Variants in ZMYND8 observed in about 807,000 individuals in gnomAD.
ZMYND8 encodes zinc finger MYND-type containing 8, also known as MYND-type zinc finger-containing chromatin reader ZMYND8.
ZMYND8 carries 37 observed loss-of-function variants against 140.8 expected under a neutral mutation model. That is an observed-to-expected ratio of 0.26 (90% confidence interval 0.20 to 0.35). The LOEUF is 0.35. Ranked by LOEUF, ZMYND8 falls within the 10% of genes least tolerant of loss-of-function variation. The pLI, the probability that ZMYND8 is intolerant of heterozygous loss-of-function variation, is 1.00. For synonymous variants in ZMYND8, 592 were observed against 597.1 expected (o/e 0.99, Z 0.12); for missense variants, 1,068 against 1,570.0 (o/e 0.68, Z 5.40).
In ZMYND8 at chr20:47,238,807, C is replaced by G. The variant is rs760583082; in HGVS notation, c.2616G>C (p.Gln872His). The G allele has an allele frequency of 1.4e-5, 22 of 1,612,996 alleles. No individual in the cohort carries two copies. The highest frequency in any genetic ancestry group is 1.8e-5 in the Non-Finnish European group (21 of 1,179,980). Residue 872 changes from glutamine to histidine, a missense_variant, in exon 15 of 23, where the codon CAG (glutamine) becomes CAC (histidine). By Grantham distance (24) the Gln-to-His change is conservative. Coordinates refer to ENST00000471951, the MANE Select transcript of ZMYND8 (RefSeq NM_001281775.3). The part of the protein sequence containing the change: ...QQQQQQNQQQ[Q>H]PQSSQGTRYQ... ...ATCTCGTCCCCTGGGAAGACTGAGG[C>G]TGCTGCTGCTGGTTTTGCTGCTGCT...
intron 4 of ZMYND8, among the ~76,000 whole-genome samples, chr20:47,297,065 T>C (rs1394917456): frequency 2.0e-5 from 3 of 152,036 alleles, no homozygotes; most frequent in Non-Finnish European, 1.5e-5. Flanking sequence ...CTAAAGAAAA[T>C]TGGTGAAGGT....
At chr20:47,291,605 G>A (rs1269349193) in intron 6 of ZMYND8, among the ~76,000 whole-genome samples, 191 bp downstream of exon 6, 1 of 152,186 alleles carries the variant, frequency 6.6e-6, no homozygotes, top group African/African-American at 2.4e-5. Context: ...CTGCAATCTT[G>A]GAAGAATGTT....
At chr20:47,355,844 C>T (rs1298479083) in intron 1 of ZMYND8, among the ~76,000 whole-genome samples, 4 of 150,666 alleles carry the variant, frequency 2.7e-5, no homozygotes, top group Non-Finnish European at 1.5e-5. Flanking sequence ...CCCCCCACCC[C>T]CCAGTCCCCA....
At chr20:47,262,254 C>T (rs1411648524) in intron 12 of ZMYND8, 34 bp downstream of exon 12, 11 of 1,613,574 alleles carry the variant, frequency 6.8e-6, no homozygotes, top group Non-Finnish European at 9.3e-6. Flanking sequence ...TCCACAGTTG[C>T]CACAGAAAGA....
At chr20:47,287,150 G>A (rs1036726562) in intron 8 of ZMYND8, 79 bp downstream of exon 8, 2 of 1,305,782 alleles carry the variant, frequency 1.5e-6, no homozygotes, top group Non-Finnish European at 2.2e-6. Flanking sequence ...CCTAATAGGA[G>A]ATTCTGCAAA....
At chr20:47,342,272 C>T (rs1474540333) in intron 2 of ZMYND8, among the ~76,000 whole-genome samples, 4 of 151,966 alleles carry the variant, frequency 2.6e-5, no homozygotes, top group Admixed American at 6.6e-5. Context: ...CCTCTGGGTG[C>T]GGTGGCTCAC....
chr20:47,276,910 TAAAAAAAAA>T (rs10717572), intron 10 of ZMYND8, 115 bp from the exon 11 acceptor site: 1 of 514,874 alleles, frequency 1.9e-6, no homozygotes, highest in Non-Finnish European at 2.7e-6. Context: ...CTTATTCTAT[TAAAAAAAAA>T]AAAAAAAAAA....
chr20:47,292,946 C>T (rs1237952248), intron 5 of ZMYND8, among the ~76,000 whole-genome samples: 2 of 151,320 alleles, frequency 1.3e-5, no homozygotes, highest in East Asian at 3.9e-4. Flanking sequence ...ATCTATAGTT[C>T]CAGCTACTTG....
intron 2 of ZMYND8, among the ~76,000 whole-genome samples, chr20:47,315,507 A>C (rs1012479995): frequency 2.0e-5 from 3 of 152,096 alleles, no homozygotes; most frequent in Non-Finnish European, 4.4e-5. Context: ...GGGATGAGAC[A>C]GCAGGGGGGC....
intron 21 of ZMYND8, among the ~76,000 whole-genome samples, chr20:47,214,842 ATC>A (rs1329210693): frequency 6.6e-6 from 1 of 152,148 alleles, no homozygotes; most frequent in Non-Finnish European, 1.5e-5. Flanking sequence ...GTGCACCTCA[ATC>A]TTTATCCAAA....
intron 2 of ZMYND8, among the ~76,000 whole-genome samples, chr20:47,331,726 G>A (rs1305460625): frequency 6.6e-6 from 1 of 152,144 alleles, no homozygotes; most frequent in Non-Finnish European, 1.5e-5. Flanking sequence ...AAGAGAGAGT[G>A]TCCACAAGAA....
chr20:47,342,096 C>T (rs1171279393), intron 2 of ZMYND8, among the ~76,000 whole-genome samples: 2 of 151,240 alleles, frequency 1.3e-5, no homozygotes, highest in Non-Finnish European at 3.0e-5. Flanking sequence ...CATTTGAAAC[C>T]AGGAGGCAGA....
At chr20:47,294,183 AC>A (rs1476187887) in intron 5 of ZMYND8, among the ~76,000 whole-genome samples, 1 of 142,886 alleles carries the variant, frequency 7.0e-6, no homozygotes, top group African/African-American at 2.5e-5. Context: ...CCCCATCTCT[AC>A]TAAAAATACA....
intron 12 of ZMYND8, among the ~76,000 whole-genome samples, chr20:47,250,240 G>C (rs1048680744): frequency 1.3e-5 from 2 of 152,126 alleles, no homozygotes; most frequent in African/African-American, 4.8e-5. Context: ...AAGTCAGTGA[G>C]CTTACATTTC....
chr20:47,341,557 A>G (rs1287358006), intron 2 of ZMYND8, among the ~76,000 whole-genome samples: 1 of 149,828 alleles, frequency 6.7e-6, no homozygotes, highest in East Asian at 2.0e-4. Flanking sequence ...AATCTAGAAC[A>G]AAGACATTCC....
Position 47,256,006 on chromosome 20 carries a change from G to A in ZMYND8, c.1621+6282C>T, listed in dbSNP as rs113354898. Among the ~76,000 whole-genome samples the A allele has an allele frequency of 3.3e-5, 5 of 150,080 alleles. No homozygotes were observed. The East Asian group carries it at 7.9e-4, about 24-fold the overall frequency. ...GAGAATCACCCGAACCCAGGAGGTG[G>A]AGGTTGCAGAGAGCCGAGATTGTAC... On this transcript the variant is annotated intron_variant, in intron 12 of 22. Transcript: ENST00000471951.
intron 15 of ZMYND8, 89 bp from the exon 16 acceptor site, chr20:47,236,605 C>T: frequency 7.6e-7 from 1 of 1,310,224 alleles, no homozygotes; most frequent in Non-Finnish European, 1.0e-6. Context: ...CCCTAATAGA[C>T]ATCCTGAGAG....
chr20:47,237,756 A>C (rs1342143166), intron 15 of ZMYND8: 1 of 152,150 alleles, frequency 6.6e-6, no homozygotes, highest in Non-Finnish European at 1.5e-5. Context: ...ATTCACTATG[A>C]GTTTCAGTTG....
At chr20:47,260,527 T>A (rs1325900201) in intron 12 of ZMYND8, among the ~76,000 whole-genome samples, 1 of 152,158 alleles carries the variant, frequency 6.6e-6, no homozygotes, top group Non-Finnish European at 1.5e-5. Context: ...AATCTCTTAT[T>A]CCTTCTAGAA....
Sources: allele counts gnomAD v4.1 joint callset (sites outside exome capture counted in the v4.1 genomes callset), GRCh38; gene constraint gnomAD v4.1.1; transcripts MANE v1.5; gene names NCBI Gene and HGNC (gene_info 2026-07-23, HGNC 2026-07-21).